EFNA5: variants seen among roughly 807,000 people sequenced by gnomAD.
EFNA5 encodes ephrin A5.
A neutral mutation model predicts 22.9 loss-of-function variants in EFNA5; 5 were observed. The ratio of observed to expected loss-of-function variants is 0.22; its 90% CI spans 0.11 to 0.46. EFNA5 has a LOEUF of 0.46. EFNA5 is among the 20% of genes least tolerant of loss of function. EFNA5 has a pLI of 0.99. For missense variants in EFNA5, 237 were observed against 293.3 expected (o/e 0.81, Z 1.40); for synonymous variants, 113 against 112.2 (o/e 1.01, Z -0.04).
chr5:107,573,288 C>G (rs796282614), intron 1 of EFNA5, among the ~76,000 whole-genome samples: 6 of 152,158 alleles, frequency 3.9e-5, no homozygotes, highest in African/African-American at 1.4e-4. Flanking sequence ...CATGCTTCAT[C>G]TCCTTTGGGT....
rs532056237 is a variant in EFNA5 at position 107,665,257 on chromosome 5, C to T, written c.125+5232G>A. On this transcript the variant is annotated intron_variant, in intron 1 of 4. Coordinates refer to ENST00000333274, the MANE Select transcript of EFNA5 (RefSeq NM_001962.3). ...CATAGCAACAGGGGAGAAAAGGAGG[C>T]GCCCATCTTTATGTCCTTATCCAAC... Among the ~76,000 whole-genome samples the T allele has an allele frequency of 9.2e-5, 14 of 152,272 alleles. No homozygotes were observed. The South Asian group carries it at 1.9e-3, about 20-fold the overall frequency.
chr5:107,403,528 A>G (rs1199447985), intron 2 of EFNA5, among the ~76,000 whole-genome samples: 1 of 152,238 alleles, frequency 6.6e-6, no homozygotes, highest in Non-Finnish European at 1.5e-5. Flanking sequence ...AGTTCTTCCT[A>G]GTGTAGTAGC....
At chr5:107,498,497 C>G (rs1747047137) in intron 1 of EFNA5, among the ~76,000 whole-genome samples, 1 of 152,334 alleles carries the variant, frequency 6.6e-6, no homozygotes. Context: ...CCCCACACAT[C>G]ATAGTCTATC....
chr5:107,501,752 T>G (rs1409097001), intron 1 of EFNA5, among the ~76,000 whole-genome samples: 1 of 151,926 alleles, frequency 6.6e-6, no homozygotes, highest in Admixed American at 6.6e-5. Context: ...GCAATTATTT[T>G]CATAACCTGA....
chr5:107,661,732 G>T (rs958220972), intron 1 of EFNA5, among the ~76,000 whole-genome samples: 22 of 152,060 alleles, frequency 1.4e-4, no homozygotes, highest in African/African-American at 5.1e-4. Flanking sequence ...ATGTAAGCAC[G>T]TGAAGTTGTC....
intron 1 of EFNA5, among the ~76,000 whole-genome samples, chr5:107,562,957 T>C (rs762358266): frequency 7.9e-5 from 12 of 152,156 alleles, no homozygotes; most frequent in Non-Finnish European, 1.3e-4. Context: ...TGTTATAAAA[T>C]ACACAAAAAG....
At chr5:107,501,198 G>A (rs534403113) in intron 1 of EFNA5, among the ~76,000 whole-genome samples, 25 of 152,274 alleles carry the variant, frequency 1.6e-4, no homozygotes, top group African/African-American at 6.0e-4. Flanking sequence ...TATTTGCATG[G>A]ATTAAGCCTC....
At chr5:107,496,336 CAAA>C (rs77916124) in intron 1 of EFNA5, among the ~76,000 whole-genome samples, 2 of 79,812 alleles carry the variant, frequency 2.5e-5, no homozygotes, top group Non-Finnish European at 2.3e-5. Flanking sequence ...AATTCCATCT[CAAA>C]AAAAAAAAAA....
chr5:107,487,759 T>C (rs1213280102), intron 1 of EFNA5, among the ~76,000 whole-genome samples: 1 of 152,252 alleles, frequency 6.6e-6, no homozygotes, highest in Non-Finnish European at 1.5e-5. Context: ...CCTTGGACTG[T>C]AAAGCTCCTT....
At chr5:107,423,648 G>A (rs1418132099) in intron 2 of EFNA5, among the ~76,000 whole-genome samples, 2 of 152,102 alleles carry the variant, frequency 1.3e-5, no homozygotes, top group African/African-American at 4.8e-5. Context: ...ATCTATCATT[G>A]ATATAAATAC....
intron 1 of EFNA5, among the ~76,000 whole-genome samples, chr5:107,467,440 G>T (rs1750017072): frequency 6.6e-6 from 1 of 152,136 alleles, no homozygotes; most frequent in African/African-American, 2.4e-5. Context: ...TCTGAGGCTT[G>T]TTGGCTTATG....
chr5:107,483,385 C>T (rs1750538790), intron 1 of EFNA5, among the ~76,000 whole-genome samples: 1 of 152,156 alleles, frequency 6.6e-6, no homozygotes, highest in South Asian at 2.1e-4. Context: ...TTTCCCTGAA[C>T]TCTGCACATC....
At chr5:107,381,456 C>A in intron 4 of EFNA5, 80 bp from the exon 5 acceptor site, 1 of 1,466,022 alleles carries the variant, frequency 6.8e-7, no homozygotes, top group South Asian at 1.4e-5. Context: ...TGTTAACAGA[C>A]CTCGCCACCC....
chr5:107,633,281 C>T (rs906641514), intron 1 of EFNA5, among the ~76,000 whole-genome samples: 11 of 152,356 alleles, frequency 7.2e-5, no homozygotes, highest in African/African-American at 2.6e-4. Flanking sequence ...CCAGCCAGTT[C>T]TACTCAAGAG....
intron 2 of EFNA5, among the ~76,000 whole-genome samples, chr5:107,391,044 A>G (rs1169994045): frequency 6.6e-6 from 1 of 152,192 alleles, no homozygotes; most frequent in Non-Finnish European, 1.5e-5. Context: ...TTGTAATCCC[A>G]GCTACTCGGG....
At chr5:107,451,050 A>C (rs924857430) in intron 1 of EFNA5, among the ~76,000 whole-genome samples, 1 of 152,246 alleles carries the variant, frequency 6.6e-6, no homozygotes, top group African/African-American at 2.4e-5. Flanking sequence ...TAAAAGCTGG[A>C]GGTCTTACCA....
chr5:107,422,771 T>C (rs1240413554), intron 2 of EFNA5, among the ~76,000 whole-genome samples: 1 of 152,076 alleles, frequency 6.6e-6, no homozygotes, highest in Non-Finnish European at 1.5e-5. Flanking sequence ...AGACAGGAAG[T>C]CACTGGAGGG....
At chr5:107,411,251 A>G (rs1020374272) in intron 2 of EFNA5, among the ~76,000 whole-genome samples, 7 of 152,244 alleles carry the variant, frequency 4.6e-5, no homozygotes, top group African/African-American at 1.7e-4. Context: ...TTCATCAGTG[A>G]AATACACCCT....
intron 1 of EFNA5, among the ~76,000 whole-genome samples, chr5:107,569,477 G>GTA (rs1181352317): frequency 1.5e-5 from 2 of 135,862 alleles, no homozygotes; most frequent in East Asian, 4.1e-4. Context: ...ATATATATGT[G>GTA]TATATATATT....
Sources: allele counts gnomAD v4.1 joint callset (sites outside exome capture counted in the v4.1 genomes callset), GRCh38; gene constraint gnomAD v4.1.1; transcripts MANE v1.5; gene names NCBI Gene and HGNC (gene_info 2026-07-23, HGNC 2026-07-21).